The following LRRC37A variants were observed in gnomAD, a reference collection of about 807,000 sequenced individuals.
The protein encoded by LRRC37A is leucine rich repeat containing 37A.
Under a neutral mutation model 35.4 loss-of-function variants are expected in LRRC37A, and 3 were observed. The ratio of observed to expected loss-of-function variants is 0.08; its 90% CI spans 0.04 to 0.22. The LOEUF (loss-of-function observed/expected upper bound fraction) is 0.22. LRRC37A is among the 10% of genes least tolerant of loss of function. The probability of loss-of-function intolerance (pLI) is 1.00; values close to 1 mark genes in which losing one functional copy is unlikely to be tolerated. For missense variants in LRRC37A, 67 were observed against 565.3 expected, an observed-to-expected ratio of 0.12 and a Z score of 8.94; for synonymous variants, 23 against 215.0, an observed-to-expected ratio of 0.11 and a Z score of 7.81.
chr17:46,256,400 A>G, the LRRC37A span, among the ~76,000 whole-genome samples: 2 of 152,108 alleles, frequency 1.3e-5, no homozygotes, highest in African/African-American at 4.8e-5. Flanking sequence ...TCTCTGTCTC[A>G]AAACAAAAAG....
At chr17:46,280,327 G>A in the LRRC37A span, among the ~76,000 whole-genome samples, 1 of 152,090 alleles carries the variant, frequency 6.6e-6, no homozygotes, top group Non-Finnish European at 1.5e-5. Flanking sequence ...TTGCACCACT[G>A]CACTCCAGCC....
chr17:46,264,568 G>A, the LRRC37A span, among the ~76,000 whole-genome samples: 33,851 of 144,508 alleles, frequency 0.23, 1,387 homozygotes, highest in Middle Eastern at 0.38. Context: ...CCAGGCTGAC[G>A]TGAGTTGCAT....
the LRRC37A span, among the ~76,000 whole-genome samples, chr17:46,261,657 C>A: frequency 5.3e-5 from 8 of 151,914 alleles, no homozygotes; most frequent in Admixed American, 6.6e-5. Flanking sequence ...AGGTGATCTG[C>A]CCGCCTCGGC....
the LRRC37A span, among the ~76,000 whole-genome samples, chr17:46,285,618 G>A: frequency 6.6e-6 from 1 of 152,186 alleles, no homozygotes; most frequent in African/African-American, 2.4e-5. Context: ...GTGAGAGGAA[G>A]TTTCTTTAAA....
chr17:46,252,818 C>T, the LRRC37A span, among the ~76,000 whole-genome samples: 1 of 152,172 alleles, frequency 6.6e-6, no homozygotes, highest in Non-Finnish European at 1.5e-5. Context: ...AGTCCTTTCC[C>T]CACCTTTCCC....
the LRRC37A span, among the ~76,000 whole-genome samples, chr17:46,251,510 A>T: frequency 1.3e-5 from 2 of 151,840 alleles, no homozygotes; most frequent in South Asian, 4.2e-4. Context: ...AGCCCACCTC[A>T]GCCTCCCAAA....
At chr17:46,280,196 C>T in the LRRC37A span, among the ~76,000 whole-genome samples, 16,585 of 148,738 alleles carry the variant, frequency 0.11, no homozygotes, top group Non-Finnish European at 0.17. Context: ...AAACCCCATC[C>T]CTACTAAAAA....
upstream of LRRC37A, among the ~76,000 whole-genome samples, chr17:46,288,266 C>T (rs1359510706): frequency 2.6e-5 from 4 of 151,314 alleles, no homozygotes; most frequent in Non-Finnish European, 5.9e-5. Context: ...CTCAGCCTCC[C>T]GAGTAGCTGG....
the LRRC37A span, among the ~76,000 whole-genome samples, chr17:46,275,674 A>T: frequency 1.3e-5 from 2 of 152,358 alleles, no homozygotes; most frequent in East Asian, 3.9e-4. Context: ...TCTAATAAAG[A>T]TTACAACATT....
chr17:46,270,180 C>T, the LRRC37A span, among the ~76,000 whole-genome samples: 1 of 152,208 alleles, frequency 6.6e-6, no homozygotes, highest in African/African-American at 2.4e-5. Context: ...CCTATTTGGC[C>T]TCACGGTGAT....
chr17:46,258,707 C>CTTGTTTTTTTTTTTT, the LRRC37A span, among the ~76,000 whole-genome samples: 5 of 81,120 alleles, frequency 6.2e-5, 1 homozygote, highest in Admixed American at 1.5e-4. Flanking sequence ...GACTATTATT[C>CTTGTTTTTTTTTTTT]TTTTTTTTTT....
chr17:46,253,623 C>G, the LRRC37A span, among the ~76,000 whole-genome samples: 2 of 146,430 alleles, frequency 1.4e-5, no homozygotes, highest in Non-Finnish European at 3.0e-5. Flanking sequence ...GCGGCGCGTG[C>G]CTGCAATCGC....
the LRRC37A span, among the ~76,000 whole-genome samples, chr17:46,254,726 A>T: frequency 1.8e-4 from 27 of 148,582 alleles, no homozygotes; most frequent in African/African-American, 6.8e-4. Flanking sequence ...TTTTTAGTAG[A>T]GGCGGGGTTT....
chr17:46,260,071 T>G, the LRRC37A span: 1 of 1,600,448 alleles, frequency 6.2e-7, no homozygotes, highest in Non-Finnish European at 8.5e-7. Context: ...CAGAGCGATC[T>G]GCCCGGGCGC....
the LRRC37A span, chr17:46,260,307 C>A: frequency 6.6e-7 from 1 of 1,511,202 alleles, no homozygotes; most frequent in Admixed American, 2.1e-5. Context: ...CCGCGAGCTG[C>A]AGCGGGCATA....
the LRRC37A span, among the ~76,000 whole-genome samples, chr17:46,264,694 G>A: frequency 1.8e-4 from 27 of 152,248 alleles, no homozygotes; most frequent in African/African-American, 6.5e-4. Flanking sequence ...CTGCAAGCCA[G>A]ACACTGCCCA....
the LRRC37A span, among the ~76,000 whole-genome samples, chr17:46,269,481 G>A: frequency 3.9e-5 from 6 of 152,352 alleles, no homozygotes; most frequent in African/African-American, 1.4e-4. Flanking sequence ...GTGGTGAGCC[G>A]AGATCGCGCC....
the LRRC37A span, among the ~76,000 whole-genome samples, chr17:46,271,811 G>A: frequency 6.6e-6 from 1 of 152,140 alleles, no homozygotes. Context: ...GCTCAGGCTG[G>A]AGTGCAGTGG....
the LRRC37A span, chr17:46,267,186 C>A: frequency 4.4e-5 from 26 of 591,352 alleles, no homozygotes; most frequent in East Asian, 8.4e-4. Flanking sequence ...GCCCCGCGAG[C>A]CTTTCCGAGT....
Sources: allele counts gnomAD v4.1 joint callset (sites outside exome capture counted in the v4.1 genomes callset), GRCh38; gene constraint gnomAD v4.1.1; transcripts MANE v1.5; gene names NCBI Gene and HGNC (gene_info 2026-07-23, HGNC 2026-07-21).